The following MAP3K13 variants were observed in gnomAD, a reference collection of about 807,000 sequenced individuals.
The protein encoded by MAP3K13 is mitogen-activated protein kinase kinase kinase 13, also known as leucine zipper-bearing kinase.
A neutral mutation model predicts 104.0 loss-of-function variants in MAP3K13; 52 were observed. The observed-to-expected ratio is 0.50, with a 90% CI of 0.40 to 0.63. The LOEUF (loss-of-function observed/expected upper bound fraction) is 0.63, where lower values mean the gene tolerates loss of function less well. Among genes scored for constraint, MAP3K13 ranks in the 20% least tolerant of loss-of-function variants. MAP3K13 has a pLI of 0.00. For missense variants in MAP3K13, 914 were observed against 1,218.5 expected, an observed-to-expected ratio of 0.75 and a Z score of 3.72; for synonymous variants, 394 against 442.2, an observed-to-expected ratio of 0.89 and a Z score of 1.37.
chr3:185,429,597 G>A (rs1246157421), intron 2 of MAP3K13, among the ~76,000 whole-genome samples: 1 of 152,110 alleles, frequency 6.6e-6, no homozygotes, highest in Non-Finnish European at 1.5e-5. Context: ...CAGCCTGGGT[G>A]ACAGAGTGAG....
chr3:185,287,764 A>C (rs1466935697), intron 2 of MAP3K13, among the ~76,000 whole-genome samples: 2 of 152,138 alleles, frequency 1.3e-5, no homozygotes, highest in African/African-American at 4.8e-5. Flanking sequence ...AAAAGAAGTT[A>C]TAGGCTCATG....
At chr3:185,406,679 A>G (rs1713130218) in intron 1 of MAP3K13, among the ~76,000 whole-genome samples, 1 of 152,154 alleles carries the variant, frequency 6.6e-6, no homozygotes, top group Non-Finnish European at 1.5e-5. Flanking sequence ...TTCTAGCCCT[A>G]TTGTCATTTC....
intron 1 of MAP3K13, among the ~76,000 whole-genome samples, chr3:185,377,612 T>C (rs1724495662): frequency 6.6e-6 from 1 of 152,132 alleles, no homozygotes; most frequent in Non-Finnish European, 1.5e-5. Flanking sequence ...TTAAGAGATT[T>C]AGAAGCCTGG....
intron 2 of MAP3K13, chr3:185,292,029 G>T: frequency 1.0e-6 from 1 of 992,976 alleles, no homozygotes; most frequent in Non-Finnish European, 1.2e-6. Flanking sequence ...AACAGGCTGG[G>T]CACGGTGGCT....
intron 2 of MAP3K13, chr3:185,291,641 G>A: frequency 6.5e-7 from 1 of 1,531,500 alleles, no homozygotes; most frequent in Non-Finnish European, 8.7e-7. Context: ...TGAAGACCAT[G>A]GCCTATCATC....
intron 1 of MAP3K13, among the ~76,000 whole-genome samples, chr3:185,400,909 T>G (rs569519496): frequency 2.4e-4 from 35 of 146,446 alleles, no homozygotes; most frequent in South Asian, 6.4e-4. Context: ...TTGTTTGTTT[T>G]TTTTTTTTTT....
chr3:185,460,353 C>T (rs1376744463), intron 7 of MAP3K13, among the ~76,000 whole-genome samples: 1 of 151,990 alleles, frequency 6.6e-6, no homozygotes, highest in African/African-American at 2.4e-5. Flanking sequence ...ACTGATTAGC[C>T]TCTTATCAAT....
chr3:185,337,677 C>G (rs1163312247), intron 2 of MAP3K13, among the ~76,000 whole-genome samples: 2 of 152,148 alleles, frequency 1.3e-5, no homozygotes, highest in Non-Finnish European at 2.9e-5. Context: ...ACTTATTAAC[C>G]TGGACCTAGT....
At position 185,418,443 on chromosome 3, in the gene MAP3K13, A is replaced by G. The variant is rs1197354039; in HGVS notation, c.-85-10054A>G. 1 of 1,610,182 alleles carries G rather than the reference A, an allele frequency of 6.2e-7. No homozygotes were observed. Among genetic ancestry groups the G allele is most frequent in the East Asian group, 2.2e-5 (1 of 44,890 alleles). Reference sequence around the variant, plus strand: ...GTTTTTGGGTTGTGTTCACTCTACGATGCCAACGGCGCCAGGTTTTGGTTG... The same window carrying G: ...GTTTTTGGGTTGTGTTCACTCTACGGTGCCAACGGCGCCAGGTTTTGGTTG... On this transcript the variant is annotated intron_variant, in intron 1 of 13. Coordinates refer to ENST00000265026, the MANE Select transcript of MAP3K13 (RefSeq NM_004721.5). This position sits in a 1 kb window ranked among gnomAD's most constrained non-coding sequence, Gnocchi z 4.5.
At position 185,451,329 on chromosome 3, in the gene MAP3K13, C is replaced by G. The variant is rs1235134653; in HGVS notation, c.1212C>G (p.Leu404=). Residue 404 remains leucine, a synonymous_variant, in exon 7 of 14, where the codon CTC becomes CTG. Transcript: ENST00000265026. ...ACCGACCTTCTTTTCGGCAGACACTCATGCATTTAGACATTGCCTCTGCAG... is the reference window on the plus strand; with the variant it reads ...ACCGACCTTCTTTTCGGCAGACACTGATGCATTTAGACATTGCCTCTGCAG... ...PRNRPSFRQT[L]MHLDIASADV... 1 of 1,613,592 alleles carries G rather than the reference C, an allele frequency of 6.2e-7. No individual in the cohort carries two copies. Among genetic ancestry groups the G allele is most frequent in the Non-Finnish European group, 8.5e-7 (1 of 1,179,712 alleles).
intron 7 of MAP3K13, among the ~76,000 whole-genome samples, chr3:185,451,713 C>T (rs1172838982): frequency 1.3e-5 from 2 of 151,540 alleles, no homozygotes; most frequent in Admixed American, 1.3e-4. Flanking sequence ...ACTAAAAATA[C>T]AAAATTAGCC....
chr3:185,441,120 G>T (rs992026055), intron 3 of MAP3K13, among the ~76,000 whole-genome samples: 2 of 152,174 alleles, frequency 1.3e-5, no homozygotes, highest in African/African-American at 2.4e-5. Context: ...TCACTTATTA[G>T]TTGTATGATC....
chr3:185,432,185 C>CTTTTTTTTTTTTTT (rs11407161), intron 2 of MAP3K13, among the ~76,000 whole-genome samples: 1 of 90,112 alleles, frequency 1.1e-5, no homozygotes, highest in Non-Finnish European at 2.1e-5. Context: ...TTTCTAATTG[C>CTTTTTTTTTTTTTT]TTTTTTTTTT....
intron 2 of MAP3K13, among the ~76,000 whole-genome samples, chr3:185,303,664 T>C (rs1310009304): frequency 1.3e-5 from 2 of 152,040 alleles, no homozygotes; most frequent in East Asian, 1.9e-4. Context: ...TCAGTTGTAA[T>C]GTCTTCTCTT....
intron 2 of MAP3K13, among the ~76,000 whole-genome samples, chr3:185,304,966 A>T (rs1721244118): frequency 6.6e-6 from 1 of 152,110 alleles, no homozygotes; most frequent in South Asian, 2.1e-4. Context: ...TTTGCATGGA[A>T]TATCTTTTTC....
At chr3:185,285,604 A>T in exon 2 of MAP3K13, 1 of 1,534,548 alleles carries the variant, frequency 6.5e-7, no homozygotes, top group Non-Finnish European at 8.7e-7. Context: ...ACATGAGTCA[A>T]TATGTATTGT....
chr3:185,309,512 CAAAAA>C (rs66889332), intron 2 of MAP3K13, among the ~76,000 whole-genome samples: 19 of 105,740 alleles, frequency 1.8e-4, no homozygotes, highest in Non-Finnish European at 2.8e-4. Flanking sequence ...CCTTGTCTCA[CAAAAA>C]AAAAAAAAAA....
Position 185,443,444 on chromosome 3 carries a change from G to C in MAP3K13, c.660-1G>C. On this transcript the variant is annotated splice_acceptor_variant, in intron 3 of 13. Coordinates refer to ENST00000265026, the MANE Select transcript of MAP3K13 (RefSeq NM_004721.5). LOFTEE classifies it high-confidence loss of function. ...TGTACATGTTTATGTTTTCTTGGAA[G>C]GGGTGTTTGTACTCAGGCCCCATGT... 6.2e-7 allele frequency: 1 copy of C among 1,602,932 alleles called. No individual in the cohort carries two copies. The highest frequency in any genetic ancestry group is 2.2e-5 in the East Asian group (1 of 44,590).
At chr3:185,372,269 A>G (rs967208855) in intron 1 of MAP3K13, among the ~76,000 whole-genome samples, 2 of 152,332 alleles carry the variant, frequency 1.3e-5, no homozygotes, top group South Asian at 4.1e-4. Flanking sequence ...TCAAGAGCCC[A>G]TTTACAAAGA....
Sources: gnomAD v4.1 joint callset for allele counts (sites outside exome capture counted in the v4.1 genomes callset) on GRCh38, gnomAD v4.1.1 for gene constraint, Gnocchi (gnomAD v3.1) non-coding constraint, MANE v1.5 for transcripts, NCBI Gene and HGNC (gene_info 2026-07-23, HGNC 2026-07-21) for gene names.